The following NOD2 variants were observed in gnomAD, a reference collection of about 807,000 sequenced individuals.
NOD2 encodes nucleotide binding oligomerization domain containing 2.
In NOD2, 86 loss-of-function variants were observed where a neutral mutation model predicts 90.9. The observed-to-expected ratio is 0.95, with a 90% CI of 0.79 to 1.13. The LOEUF (loss-of-function observed/expected upper bound fraction) is 1.13. Among genes scored for constraint, NOD2 ranks in the 50% most tolerant of loss-of-function variants. The probability of loss-of-function intolerance (pLI) is 0.00; values close to 1 mark genes in which losing one functional copy is unlikely to be tolerated. For synonymous variants in NOD2, 581 were observed against 554.6 expected, an observed-to-expected ratio of 1.05 and a Z score of -0.67; for missense variants, 1,238 against 1,283.8, an observed-to-expected ratio of 0.96 and a Z score of 0.55.
chr16:50,717,404 G>A (rs1964849176), intron 6 of NOD2, among the ~76,000 whole-genome samples: 1 of 152,190 alleles, frequency 6.6e-6, no homozygotes, highest in Non-Finnish European at 1.5e-5. Flanking sequence ...AAGGTTTGCA[G>A]TCCATCTGGT....
At chr16:50,723,629 A>G (rs1344611748) in intron 9 of NOD2, among the ~76,000 whole-genome samples, 1 of 152,176 alleles carries the variant, frequency 6.6e-6, no homozygotes, top group Non-Finnish European at 1.5e-5. Context: ...CTGCCTCCAC[A>G]TGGCATAAGT....
intron 2 of NOD2, among the ~76,000 whole-genome samples, chr16:50,705,204 G>T (rs1335932661): frequency 6.6e-6 from 1 of 152,160 alleles, no homozygotes; most frequent in African/African-American, 2.4e-5. Context: ...GGGTAGGTTT[G>T]ACTGATTCTT....
chr16:50,712,288 G>A lies in NOD2; in HGVS notation c.2296G>A (p.Val766Met), dbSNP rs104895444. ...TGTGCTGCAGCACCTCCGGCGGCCC[G>A]TGGCCCTGCAGCTGGACTACAACTC... is the stretch of plus-strand genomic sequence containing the variant. ...AFVLQHLRRP[V>M]ALQLDYNSVG... Residue 766 changes from valine to methionine, a missense_variant, in exon 4 of 12, where the codon GTG (valine) becomes ATG (methionine). This residue lies in a region of NOD2 where 667 missense variants were observed against 688.7 expected (regional missense o/e 0.97). Coordinates refer to ENST00000647318, the MANE Select transcript of NOD2 (RefSeq NM_001370466.1). 2,467 of 1,613,984 alleles carry A rather than the reference G, an allele frequency of 1.5e-3. 9 individuals carry two copies. The highest frequency in any genetic ancestry group is 1.9e-3 in the Non-Finnish European group (2,268 of 1,180,050).
intron 7 of NOD2, 126 bp from the exon 8 acceptor site, chr16:50,722,496 A>T: frequency 1.1e-6 from 1 of 923,174 alleles, no homozygotes. Context: ...CAGTGAGGCC[A>T]CTCTGGGATT....
In NOD2 at chr16:50,732,455, T is replaced by TGCC. The variant is rs1165443408; in HGVS notation, c.*637_*639dup. On this transcript the variant is annotated 3_prime_UTR_variant, in exon 12 of 12. Coordinates refer to ENST00000647318, the MANE Select transcript of NOD2 (RefSeq NM_001370466.1). ...GGGTGGGAAGGGCTACACCTTAGCC[T>TGCC]GCCCTCCTTTCCGGTGTTTAAGACA... is the stretch of plus-strand genomic sequence containing the variant. The TGCC allele has an allele frequency of 6.4e-6, 1 of 155,742 alleles. No homozygotes were observed. The highest frequency in any genetic ancestry group is 2.4e-5 in the African/African-American group (1 of 41,466). The allele number at this position is 155,742 out of a possible 1,614,324, so 9.6% of individuals were successfully genotyped here. A position where few individuals can be genotyped will look rare whatever the true frequency, so the allele number is the denominator to read the frequency against.
chr16:50,704,787 G>A (rs1701445969), intron 2 of NOD2, among the ~76,000 whole-genome samples: 1 of 152,068 alleles, frequency 6.6e-6, no homozygotes. Context: ...CAAAGTGCTG[G>A]GATTAAAGGC....
chr16:50,730,795 C>A (rs1965427391), intron 11 of NOD2, among the ~76,000 whole-genome samples: 1 of 152,218 alleles, frequency 6.6e-6, no homozygotes, highest in African/African-American at 2.4e-5. Flanking sequence ...GACCCTTTGG[C>A]AACTCATTCC....
At position 50,716,618 on chromosome 16, in the gene NOD2, A is replaced by G. The variant is rs765335094; in HGVS notation, c.2413A>G (p.Ile805Val). 6.8e-6 allele frequency: 11 copies of G among 1,614,074 alleles called. No homozygotes were observed. Among genetic ancestry groups the G allele is most frequent in the Non-Finnish European group, 8.5e-6 (10 of 1,180,028 alleles). Residue 805 changes from isoleucine (I) to valine (V), a missense_variant, in exon 5 of 12, where the codon ATC (isoleucine) becomes GTC (valine). By Grantham distance (29) the Ile-to-Val change is conservative. This residue lies in a region of NOD2 where 667 missense variants were observed against 688.7 expected (regional missense o/e 0.97). Transcript: ENST00000647318. ...LRDNNISDRG[I>V]CKLIECALHC... ...CGATAACAATATCTCAGACCGAGGC[A>G]TCTGCAAGCTCATTGAATGTGCTCT...
intron 4 of NOD2, chr16:50,712,931 G>A (rs1353776573): frequency 5.9e-6 from 1 of 169,616 alleles, no homozygotes; most frequent in Non-Finnish European, 1.3e-5. Flanking sequence ...CAGGACCCAA[G>A]AAATAGAAAG....
chr16:50,697,479 G>A, intron 1 of NOD2: 1 of 734,710 alleles, frequency 1.4e-6, no homozygotes. Context: ...CCCAGGACCT[G>A]GGCAGGGTCA....
At chr16:50,730,203 C>T (rs1965406524) in intron 11 of NOD2, among the ~76,000 whole-genome samples, 1 of 152,118 alleles carries the variant, frequency 6.6e-6, no homozygotes, top group African/African-American at 2.4e-5. Context: ...AAGTCAGCTC[C>T]CGCCCTCCTA....
intron 4 of NOD2, among the ~76,000 whole-genome samples, chr16:50,714,623 TG>T (rs1964697526): frequency 6.6e-6 from 1 of 151,372 alleles, no homozygotes; most frequent in Non-Finnish European, 1.5e-5. Context: ...TGTGTGTGTG[TG>T]TGTGTGTGTG....
At chr16:50,712,543 G>A (rs1964588495) in intron 4 of NOD2, 170 bp downstream of exon 4, 2 of 781,854 alleles carry the variant, frequency 2.6e-6, no homozygotes, top group Non-Finnish European at 4.2e-6. Context: ...AATATGTGAT[G>A]ATGACAGCCA....
chr16:50,717,309 G>A (rs1461430988), intron 6 of NOD2, among the ~76,000 whole-genome samples: 2 of 152,160 alleles, frequency 1.3e-5, no homozygotes, highest in Non-Finnish European at 2.9e-5. Context: ...TGGTGGGGGA[G>A]GCATACACAG....
chr16:50,719,686 G>C (rs1391292076), intron 6 of NOD2: 4 of 651,108 alleles, frequency 6.1e-6, no homozygotes, highest in African/African-American at 1.8e-5. Context: ...CTCCTGCCTG[G>C]AATTGTCACA....
Position 50,707,962 on chromosome 16 carries a change from T to C in NOD2, c.565+2T>C. On this transcript the variant is annotated splice_donor_variant, in intron 3 of 11. Transcript: ENST00000647318. LOFTEE classifies it high-confidence loss of function. ...TCCCATTGGCCCTGCCTTTGGAAGG[T>C]AGGTGTATGTTCTCAGTTAATCAGA... 6.3e-7 allele frequency: 1 copy of C among 1,591,566 alleles called. No individual in the cohort carries two copies. The highest frequency in any genetic ancestry group is 1.3e-5 in the African/African-American group (1 of 74,604).
Position 50,711,203 on chromosome 16 carries a change from C to T in NOD2, c.1211C>T (p.Ser404Leu), listed in dbSNP as rs104895431. Residue 404 changes from serine to leucine, a missense_variant, in exon 4 of 12, where the codon TCG (serine) becomes TTG (leucine). Ser to Leu is a moderately radical substitution (Grantham distance 145). This residue lies in a region of NOD2 where 567 missense variants were observed against 577.3 expected (regional missense o/e 0.98). Transcript: ENST00000647318. ...GTGACCAGCCGTCCGGCCGCTGTGT[C>T]GGCGTTCCTCAGGAAGTACATCCGC... is the stretch of plus-strand genomic sequence containing the variant. The part of the protein sequence containing the change: ...KVVTSRPAAV[S>L]AFLRKYIRTE... The T allele has an allele frequency of 1.4e-3, 2,196 of 1,614,046 alleles. 9 individuals carry two copies. The highest frequency in any genetic ancestry group is 1.7e-3 in the Non-Finnish European group (2,030 of 1,180,046).
chr16:50,719,876 T>C (rs1397141288), intron 6 of NOD2, 49 bp from the exon 7 acceptor site: 1 of 1,564,574 alleles, frequency 6.4e-7, no homozygotes, highest in Non-Finnish European at 8.8e-7. Flanking sequence ...CGGCCCTCCT[T>C]TTCTGCCTGC....
chr16:50,730,570 T>C (rs920775284), intron 11 of NOD2, among the ~76,000 whole-genome samples: 2 of 152,232 alleles, frequency 1.3e-5, no homozygotes, highest in Non-Finnish European at 2.9e-5. Context: ...CTACTATATA[T>C]GTTCCAGGCA....
Sources: gnomAD v4.1 joint callset for allele counts (sites outside exome capture counted in the v4.1 genomes callset) on GRCh38, gnomAD v4.1.1 for gene constraint, gnomAD v4.1.1 regional missense constraint, MANE v1.5 for transcripts, NCBI Gene and HGNC (gene_info 2026-07-23, HGNC 2026-07-21) for gene names.